TRABD2B: variants seen among roughly 807,000 people sequenced by gnomAD.
TRABD2B encodes TraB domain containing 2B, also known as metalloprotease TIKI2.
Under a neutral mutation model 40.1 loss-of-function variants are expected in TRABD2B, and 14 were observed. That is an observed-to-expected ratio of 0.35 (90% CI 0.23 to 0.55). TRABD2B has a LOEUF of 0.55. Ranked by LOEUF, TRABD2B falls within the 20% of genes least tolerant of loss-of-function variation. TRABD2B has a pLI of 0.90. For synonymous variants in TRABD2B, 263 were observed against 277.0 expected, an observed-to-expected ratio of 0.95 and a Z score of 0.50; for missense variants, 541 against 648.6, an observed-to-expected ratio of 0.83 and a Z score of 1.80.
chr1:47,819,207 G>A (rs897552571), intron 2 of TRABD2B: 1 of 152,260 alleles, frequency 6.6e-6, no homozygotes, highest in Non-Finnish European at 1.5e-5. Context: ...CCGCTCTGCA[G>A]TTAGCCCCAA....
intron 2 of TRABD2B, among the ~76,000 whole-genome samples, chr1:47,910,236 T>C (rs562524213): frequency 6.6e-6 from 1 of 152,186 alleles, no homozygotes; most frequent in Non-Finnish European, 1.5e-5. Context: ...ACTACCTTCA[T>C]CTTATAGGTG....
intron 2 of TRABD2B, among the ~76,000 whole-genome samples, chr1:47,855,470 T>C (rs995835867): frequency 6.6e-6 from 1 of 152,260 alleles, no homozygotes; most frequent in Non-Finnish European, 1.5e-5. Context: ...TAAATTTGCA[T>C]AAGTAGAAGA....
intron 2 of TRABD2B, among the ~76,000 whole-genome samples, chr1:47,915,462 C>T (rs534568781): frequency 2.0e-4 from 31 of 152,264 alleles, no homozygotes; most frequent in African/African-American, 5.8e-4. Flanking sequence ...CATGTGTATA[C>T]GCTGCCTGGC....
At chr1:47,947,744 C>T (rs1645279908) in intron 2 of TRABD2B, among the ~76,000 whole-genome samples, 1 of 152,194 alleles carries the variant, frequency 6.6e-6, no homozygotes, top group Non-Finnish European at 1.5e-5. Context: ...GCAGAGCTGA[C>T]ATGCACTAAC....
At chr1:47,864,271 T>C (rs571060346) in intron 2 of TRABD2B, among the ~76,000 whole-genome samples, 1 of 151,932 alleles carries the variant, frequency 6.6e-6, no homozygotes, top group Non-Finnish European at 1.5e-5. Context: ...GATGTGTCAA[T>C]GAGCTTAATC....
intron 2 of TRABD2B, among the ~76,000 whole-genome samples, chr1:47,898,467 G>A (rs1027205358): frequency 6.6e-6 from 1 of 152,208 alleles, no homozygotes; most frequent in Non-Finnish European, 1.5e-5. Flanking sequence ...GAGAGGCCTA[G>A]GCTCTGGAGG....
intron 2 of TRABD2B, among the ~76,000 whole-genome samples, chr1:47,914,915 C>T (rs2124716099): frequency 6.6e-6 from 1 of 152,308 alleles, no homozygotes; most frequent in Middle Eastern, 3.4e-3. Context: ...CCTCTGTGGC[C>T]CGTGCTCTGG....
chr1:47,968,442 A>G (rs1197380611), intron 2 of TRABD2B, among the ~76,000 whole-genome samples: 1 of 152,354 alleles, frequency 6.6e-6, no homozygotes, highest in East Asian at 1.9e-4. Flanking sequence ...AATAACTCTT[A>G]GCTGTCTGGG....
At chr1:47,824,102 T>C (rs1645144634) in intron 2 of TRABD2B, among the ~76,000 whole-genome samples, 1 of 152,150 alleles carries the variant, frequency 6.6e-6, no homozygotes. Context: ...CTGGATTTCC[T>C]CACGGTGAAG....
At chr1:47,879,104 CA>C (rs5773970) in intron 2 of TRABD2B, among the ~76,000 whole-genome samples, 44,937 of 127,000 alleles carry the variant, frequency 0.35, 6,713 homozygotes, top group East Asian at 0.49. Context: ...GACCTTGTCT[CA>C]AAAAAAAAAA....
chr1:47,823,704 G>T (rs895367352), intron 2 of TRABD2B, among the ~76,000 whole-genome samples: 1 of 152,200 alleles, frequency 6.6e-6, no homozygotes, highest in African/African-American at 2.4e-5. Flanking sequence ...GGAAGGCAGA[G>T]ACTTTGTTAC....
In TRABD2B at chr1:47,762,925, C is replaced by G. The variant is rs1036922545; in HGVS notation, c.*2977G>C. The G allele has an allele frequency of 6.6e-6, 1 of 152,176 alleles. No homozygotes were observed. The highest frequency in any genetic ancestry group is 6.5e-5 in the Admixed American group (1 of 15,280). 9.4% of individuals were successfully genotyped at this position (152,176 alleles called of 1,614,324 possible). A position where few individuals can be genotyped will look rare whatever the true frequency, so the allele number is the denominator to read the frequency against. On this transcript the variant is annotated 3_prime_UTR_variant, in exon 7 of 7. Coordinates refer to ENST00000606738, the MANE Select transcript of TRABD2B (RefSeq NM_001194986.2). Reference sequence around the variant, plus strand: ...CCCAGGGCCACAATAACATGCTGCCCGACCTTAAGCAGATCACTTTACCTG... The same window carrying G: ...CCCAGGGCCACAATAACATGCTGCCGGACCTTAAGCAGATCACTTTACCTG...
rs140645691 is a variant in TRABD2B at position 47,783,274 on chromosome 1, A to T, written c.989-4730T>A. ...GGGAGAGAGGGAAGAAGAGACACCA[A>T]GAAAAACAGAAAGAGACAAGGACAG... On this transcript the variant is annotated intron_variant, in intron 4 of 6. Coordinates refer to ENST00000606738, the MANE Select transcript of TRABD2B (RefSeq NM_001194986.2). Among the ~76,000 whole-genome samples, 241 of 141,378 alleles carry T rather than the reference A, an allele frequency of 1.7e-3. 4 individuals carry two copies. In the East Asian group the frequency reaches 0.043, roughly 25 times the overall value. The allele number at this position is 141,378 out of a possible 152,430, so 92.7% of individuals were successfully genotyped here.
At chr1:47,868,567 C>T (rs1267979093) in intron 2 of TRABD2B, among the ~76,000 whole-genome samples, 1 of 152,184 alleles carries the variant, frequency 6.6e-6, no homozygotes, top group Non-Finnish European at 1.5e-5. Context: ...CTCATAGGAG[C>T]AGGAACCCTA....
chr1:47,802,411 CAGGGA>C (rs895049862), intron 2 of TRABD2B, among the ~76,000 whole-genome samples: 14 of 152,128 alleles, frequency 9.2e-5, no homozygotes, highest in South Asian at 4.1e-4. Flanking sequence ...CACTGAGGCC[CAGGGA>C]AGGGAAGGGA....
At chr1:47,969,180 T>G (rs1275269987) in intron 2 of TRABD2B, among the ~76,000 whole-genome samples, 2 of 152,126 alleles carry the variant, frequency 1.3e-5, no homozygotes, top group Non-Finnish European at 1.5e-5. Context: ...GCCTGGAGGT[T>G]TTGTTTGCTT....
intron 2 of TRABD2B, among the ~76,000 whole-genome samples, chr1:47,898,582 G>A (rs939192964): frequency 1.3e-5 from 2 of 152,166 alleles, no homozygotes; most frequent in East Asian, 3.8e-4. Context: ...GGTCATACGA[G>A]CTCTAACTCC....
At chr1:47,816,572 C>T (rs573746885) in intron 2 of TRABD2B, among the ~76,000 whole-genome samples, 1 of 152,300 alleles carries the variant, frequency 6.6e-6, no homozygotes, top group East Asian at 1.9e-4. Flanking sequence ...CATCATCTCT[C>T]CCCTTTGCCT....
chr1:47,857,385 G>A (rs544816135), intron 2 of TRABD2B, among the ~76,000 whole-genome samples: 4 of 152,278 alleles, frequency 2.6e-5, no homozygotes, highest in Admixed American at 2.0e-4. Context: ...GCCAGCCACC[G>A]TTGCTGCATT....
Sources: allele counts gnomAD v4.1 joint callset (sites outside exome capture counted in the v4.1 genomes callset), GRCh38; gene constraint gnomAD v4.1.1; transcripts MANE v1.5; gene names NCBI Gene and HGNC (gene_info 2026-07-23, HGNC 2026-07-21).